ZNF469: variants seen among roughly 807,000 people sequenced by gnomAD.
The protein encoded by ZNF469 is zinc finger protein 469.
Under a neutral mutation model 1.0 loss-of-function variants are expected in ZNF469, and 1 was observed. That is an observed-to-expected ratio of 1.00 (90% confidence interval 0.35 to 4.73). The LOEUF is 4.73. Ranked by LOEUF, ZNF469 falls within the 30% of genes most tolerant of loss-of-function variation. The probability of loss-of-function intolerance (pLI) is 0.16; values close to 1 mark genes in which losing one functional copy is unlikely to be tolerated. For missense variants in ZNF469, 6,100 were observed against 5,356.3 expected, an observed-to-expected ratio of 1.14 and a Z score of -4.33; for synonymous variants, 2,703 against 2,363.4, an observed-to-expected ratio of 1.14 and a Z score of -4.17.
the ZNF469 span, among the ~76,000 whole-genome samples, chr16:88,347,189 T>C: frequency 2.0e-5 from 3 of 152,114 alleles, no homozygotes. Context: ...CCCACACCTA[T>C]GAGGCAATGC....
chr16:88,233,266 C>T, the ZNF469 span, among the ~76,000 whole-genome samples: 2 of 152,202 alleles, frequency 1.3e-5, no homozygotes, highest in South Asian at 2.1e-4. Context: ...TGTGTAGCCT[C>T]GTTTCTGCTT....
chr16:88,342,991 C>T, the ZNF469 span, among the ~76,000 whole-genome samples: 19 of 152,316 alleles, frequency 1.2e-4, 1 homozygote, highest in African/African-American at 4.6e-4. Flanking sequence ...GCTTTGTGGG[C>T]AACTGCTGAG....
At chr16:88,381,119 CGCACACACAGACAT>C (rs2092522748), upstream of ZNF469, among the ~76,000 whole-genome samples, 3 of 146,702 alleles carry the variant, frequency 2.0e-5, no homozygotes, top group Admixed American at 6.8e-5. Flanking sequence ...CTCGCACACA[CGCACACACAGACAT>C]GCACTCACAC....
chr16:88,131,946 G>C, the ZNF469 span, among the ~76,000 whole-genome samples: 1 of 152,214 alleles, frequency 6.6e-6, no homozygotes, highest in Non-Finnish European at 1.5e-5. Context: ...GCCTCTAATG[G>C]CTCCTGCCCG....
At position 88,439,750 on chromosome 16, in the gene ZNF469, T is replaced by C. The variant is rs982801365; in HGVS notation, c.*418T>C. On this transcript the variant is annotated 3_prime_UTR_variant, in exon 3 of 3. Coordinates refer to ENST00000565624, the MANE Select transcript of ZNF469 (RefSeq NM_001367624.2). ...AGTTGAGGCAGCCGTGGGATGGTGG[T>C]AGGTTCCCTCTTAGTCTTGCTGCTG... 3.7e-6 allele frequency: 1 copy of C among 272,778 alleles called. No homozygotes were observed. Among genetic ancestry groups the C allele is most frequent in the Non-Finnish European group, 7.1e-6 (1 of 141,582 alleles). 16.9% of individuals were successfully genotyped at this position (272,778 alleles called of 1,614,324 possible).
chr16:88,184,751 G>C, the ZNF469 span, among the ~76,000 whole-genome samples: 4 of 152,164 alleles, frequency 2.6e-5, no homozygotes, highest in African/African-American at 9.7e-5. Flanking sequence ...GGACGTGCGA[G>C]AGGCATTTAC....
the ZNF469 span, among the ~76,000 whole-genome samples, chr16:88,297,076 A>T: frequency 4.6e-5 from 7 of 152,248 alleles, no homozygotes; most frequent in Admixed American, 2.6e-4. Flanking sequence ...GCAGACATCC[A>T]GTAAGCAGCC....
chr16:88,132,211 C>T, the ZNF469 span, among the ~76,000 whole-genome samples: 244 of 152,352 alleles, frequency 1.6e-3, 4 homozygotes, highest in Admixed American at 0.015. Flanking sequence ...CTACCCAGGA[C>T]GGGGAGGTTG....
chr16:88,347,491 C>T, the ZNF469 span, among the ~76,000 whole-genome samples: 1 of 152,118 alleles, frequency 6.6e-6, no homozygotes, highest in Non-Finnish European at 1.5e-5. Context: ...CCGGAGCAGA[C>T]CCTCCCTCCT....
chr16:88,218,733 C>T, the ZNF469 span, among the ~76,000 whole-genome samples: 8 of 152,012 alleles, frequency 5.3e-5, no homozygotes, highest in Middle Eastern at 6.8e-3. Flanking sequence ...TCTCTCACCA[C>T]TCCTATTCCA....
chr16:88,368,082 C>T, the ZNF469 span, among the ~76,000 whole-genome samples: 15 of 152,238 alleles, frequency 9.9e-5, no homozygotes, highest in Admixed American at 3.3e-4. Context: ...ATAATAGCAG[C>T]GAGGGCAGAG....
chr16:88,264,890 C>T, the ZNF469 span, among the ~76,000 whole-genome samples: 2 of 152,162 alleles, frequency 1.3e-5, no homozygotes, highest in Non-Finnish European at 2.9e-5. Flanking sequence ...TCTGGGGGCT[C>T]CTGAGGGTGA....
the ZNF469 span, among the ~76,000 whole-genome samples, chr16:88,132,203 A>T: frequency 2.0e-5 from 3 of 152,238 alleles, no homozygotes; most frequent in Non-Finnish European, 4.4e-5. Flanking sequence ...CCCCACCCCT[A>T]CCCAGGACGG....
upstream of ZNF469, among the ~76,000 whole-genome samples, chr16:88,380,460 C>G (rs2092518738): frequency 7.5e-6 from 1 of 133,594 alleles, no homozygotes; most frequent in South Asian, 2.5e-4. Flanking sequence ...CAGACATGCA[C>G]ACACACATGC....
the ZNF469 span, among the ~76,000 whole-genome samples, chr16:88,251,578 A>G: frequency 5.2e-5 from 2 of 38,808 alleles, no homozygotes; most frequent in Non-Finnish European, 9.0e-5. Flanking sequence ...TTTTTTTTTG[A>G]GATGGAGACT....
At chr16:88,368,669 G>A in the ZNF469 span, among the ~76,000 whole-genome samples, 983 of 152,024 alleles carry the variant, frequency 6.5e-3, 13 homozygotes, top group African/African-American at 0.021. Context: ...AGTGGCCTGG[G>A]AGACCATGGC....
the ZNF469 span, among the ~76,000 whole-genome samples, chr16:88,184,125 C>G: frequency 9.9e-5 from 15 of 152,126 alleles, no homozygotes; most frequent in Admixed American, 2.6e-4. Context: ...ACTGTGGCCC[C>G]CGTGTAAACA....
intron 1 of ZNF469, among the ~76,000 whole-genome samples, chr16:88,405,234 G>A (rs1454385251): frequency 2.6e-5 from 4 of 152,190 alleles, no homozygotes. Flanking sequence ...AAGAGCATCT[G>A]AGCCCTGAGC....
chr16:88,229,821 C>T, the ZNF469 span, among the ~76,000 whole-genome samples: 2 of 152,138 alleles, frequency 1.3e-5, no homozygotes, highest in Non-Finnish European at 2.9e-5. Context: ...CACTCTGCCC[C>T]GCTGTGGTCC....
Sources: allele counts gnomAD v4.1 joint callset (sites outside exome capture counted in the v4.1 genomes callset), GRCh38; gene constraint gnomAD v4.1.1; transcripts MANE v1.5; gene names NCBI Gene and HGNC (gene_info 2026-07-23, HGNC 2026-07-21).